Variants in HCN2 observed in about 807,000 individuals in gnomAD.
HCN2 encodes potassium/sodium hyperpolarization-activated cyclic nucleotide-gated channel 2.
In HCN2, 20 loss-of-function variants were observed where a neutral mutation model predicts 52.3. That is an observed-to-expected ratio of 0.38 (90% CI 0.27 to 0.56). The LOEUF (loss-of-function observed/expected upper bound fraction) is 0.56. Ranked by LOEUF, HCN2 falls within the 20% of genes least tolerant of loss-of-function variation. HCN2 has a pLI of 0.71. For missense variants in HCN2, 981 were observed against 1,207.7 expected (o/e 0.81, Z 2.78); for synonymous variants, 694 against 537.0 (o/e 1.29, Z -4.04).
In HCN2 at chr19:605,057, G is replaced by A; in HGVS notation, c.1057-4G>A. ...TAGGGTGGGCTCACGGCGCCTTCCT[G>A]CAGATCTTCCACATGACCTATGACC... On this transcript the variant is annotated splice_polypyrimidine_tract_variant and splice_region_variant and intron_variant, in intron 2 of 7. Transcript: ENST00000251287. 6.2e-7 allele frequency: 1 copy of A among 1,608,098 alleles called. No homozygotes were observed. Among genetic ancestry groups the A allele is most frequent in the Non-Finnish European group, 8.5e-7 (1 of 1,177,010 alleles).
chr19:590,526 A>G lies in HCN2; in HGVS notation c.581A>G (p.Glu194Gly). ...CAGAAGGCCGTGGAGCGCGAGCAGG[A>G]GCGCGTCAAGTCGGCGGGGGCCTGG... is the stretch of plus-strand genomic sequence containing the variant. ...GSQKAVEREQERVKSAGAWII... is the reference protein window; with the variant it reads ...GSQKAVEREQGRVKSAGAWII... The change falls in exon 1 of 8, where the codon GAG becomes GGG. Residue 194 changes from glutamate to glycine, a missense_variant. Coordinates refer to ENST00000251287, the MANE Select transcript of HCN2 (RefSeq NM_001194.4). The surrounding 1 kb of genome is among the most constrained non-coding windows in gnomAD (Gnocchi z 7.2). 1 of 1,512,844 alleles carries G rather than the reference A, an allele frequency of 6.6e-7. No homozygotes were observed. Among genetic ancestry groups the G allele is most frequent in the Non-Finnish European group, 8.9e-7 (1 of 1,124,104 alleles). The allele number at this position is 1,512,844 out of a possible 1,614,324, so 93.7% of individuals were successfully genotyped here.
At chr19:612,859 G>T (rs1474529248) in intron 5 of HCN2, among the ~76,000 whole-genome samples, 1 of 140,948 alleles carries the variant, frequency 7.1e-6, no homozygotes, top group Non-Finnish European at 1.5e-5. Flanking sequence ...TTTTTTTTCC[G>T]GTAGAGACGG....
At position 610,519 on chromosome 19, in the gene HCN2, A is replaced by G. The variant is rs1440483573; in HGVS notation, c.1584+114A>G. The stretch of plus-strand genomic sequence containing the variant: ...GGCGAGGTGCCTAGGCTGCAGCAGG[A>G]GGGACTCGAGCTAGACCTGCGTACA... On this transcript the variant is annotated intron_variant, in intron 5 of 7. Transcript: ENST00000251287. The G allele has an allele frequency of 1.3e-5, 12 of 918,836 alleles. No individual in the cohort carries two copies. The East Asian group carries it at 3.0e-4, about 23-fold the overall frequency. 56.9% of individuals were successfully genotyped at this position (918,836 alleles called of 1,614,324 possible).
chr19:613,632 T>TGGGGCCGGGGCCGGGGCC, intron 6 of HCN2, 144 bp downstream of exon 6: 1 of 30,200 alleles, frequency 3.3e-5, no homozygotes. Context: ...GGGATGGGGA[T>TGGGGCCGGGGCCGGGGCC]GGGGCCGGGG....
Position 607,948 on chromosome 19 carries a change from C to T in HCN2, c.1219-16C>T. The T allele has an allele frequency of 6.2e-7, 1 of 1,600,036 alleles. No individual in the cohort carries two copies. Among genetic ancestry groups the T allele is most frequent in the Non-Finnish European group, 8.5e-7 (1 of 1,171,456 alleles). ...TGAGCACCTGCCCACCACCGCCCCT[C>T]CTGCTGGCCTTGCAGAACCACTCGT... is the stretch of plus-strand genomic sequence containing the variant. On this transcript the variant is annotated splice_polypyrimidine_tract_variant and intron_variant, in intron 3 of 7. Coordinates refer to ENST00000251287, the MANE Select transcript of HCN2 (RefSeq NM_001194.4).
intron 3 of HCN2, among the ~76,000 whole-genome samples, chr19:606,519 C>G (rs965039955): frequency 6.6e-6 from 1 of 151,442 alleles, no homozygotes; most frequent in African/African-American, 2.4e-5. Flanking sequence ...AAATTTACAA[C>G]ATGGCCCTGA....
At chr19:610,201 CCT>C in intron 4 of HCN2, 56 bp from the exon 5 acceptor site, 1 of 1,578,238 alleles carries the variant, frequency 6.3e-7, no homozygotes. Flanking sequence ...AGCAGGTGCC[CCT>C]GTGCCCGCTG....
intron 7 of HCN2, among the ~76,000 whole-genome samples, chr19:614,590 G>A (rs1367203860): frequency 2.0e-5 from 3 of 152,178 alleles, no homozygotes; most frequent in African/African-American, 2.4e-5. Context: ...AGGCCCTGAG[G>A]TGGAAAAGAG....
rs963032454 is a variant in HCN2 at position 608,334 on chromosome 19, G to A, written c.1437+152G>A. Reference sequence around the variant, plus strand: ...AGGCTGGAGGGAGGCCTTGCCCTGGGGTCTGAGGGCGGAGGTAGTCCTTGT... The same window carrying A: ...AGGCTGGAGGGAGGCCTTGCCCTGGAGTCTGAGGGCGGAGGTAGTCCTTGT... On this transcript the variant is annotated intron_variant, in intron 4 of 7. Transcript: ENST00000251287. 8.2e-6 allele frequency: 6 copies of A among 733,384 alleles called. No individual in the cohort carries two copies. In the Admixed American group the frequency reaches 1.4e-4, roughly 17 times the overall value. 45.4% of individuals were successfully genotyped at this position (733,384 alleles called of 1,614,324 possible). A position where few individuals can be genotyped will look rare whatever the true frequency, so the allele number is the denominator to read the frequency against.
At chr19:597,563 T>G (rs1983067796) in intron 1 of HCN2, among the ~76,000 whole-genome samples, 1 of 150,556 alleles carries the variant, frequency 6.6e-6, no homozygotes. Flanking sequence ...TGGTGGTTTG[T>G]AGATCTCCTT....
Position 596,942 on chromosome 19 carries a change from G to A in HCN2, c.632+6365G>A, listed in dbSNP as rs569913884. Among the ~76,000 whole-genome samples, 10 of 152,296 alleles carry A rather than the reference G, an allele frequency of 6.6e-5. No individual in the cohort carries two copies. In the East Asian group the frequency reaches 1.4e-3, roughly 21 times the overall value. Reference sequence around the variant, plus strand: ...GGGGTGCACCGGCAGAGACAGTGACGCCCTGCAGGGCTCTGGGGTCCCCTC... The same window carrying A: ...GGGGTGCACCGGCAGAGACAGTGACACCCTGCAGGGCTCTGGGGTCCCCTC... On this transcript the variant is annotated intron_variant, in intron 1 of 7. Coordinates refer to ENST00000251287, the MANE Select transcript of HCN2 (RefSeq NM_001194.4).
Position 610,278 on chromosome 19 carries a change from A to G in HCN2, c.1457A>G (p.Tyr486Cys), listed in dbSNP as rs1331745152. The change falls in exon 5 of 8, where the codon TAC (tyrosine) becomes TGC (cysteine). Residue 486 changes from tyrosine (Y) to cysteine (C), a missense_variant. By Grantham distance (194) the Tyr-to-Cys change is radical. Transcript: ENST00000251287. ...YQEKYKQVEQYMSFHKLPADF... is the reference protein window; with the variant it reads ...YQEKYKQVEQCMSFHKLPADF... ...CCACAGTACAAGCAGGTGGAGCAGTACATGTCCTTCCACAAGCTGCCAGCT... is the reference window on the plus strand; with the variant it reads ...CCACAGTACAAGCAGGTGGAGCAGTGCATGTCCTTCCACAAGCTGCCAGCT... 1.2e-6 allele frequency: 2 copies of G among 1,613,198 alleles called. No homozygotes were observed. The highest frequency in any genetic ancestry group is 8.5e-7 in the Non-Finnish European group (1 of 1,179,748).
In HCN2 at chr19:590,007, GGCCGCCGCC is replaced by G. The variant is rs961585316; in HGVS notation, c.75_83del (p.Pro26_Pro28del). The G allele has an allele frequency of 7.4e-4, 471 of 640,614 alleles. 2 individuals carry two copies. Among genetic ancestry groups the G allele is most frequent in the Middle Eastern group, 1.7e-3 (2 of 1,190 alleles). The allele number at this position is 640,614 out of a possible 1,614,324, so 39.7% of individuals were successfully genotyped here. ...AGCCCGGGCGCGACCCCCGCGCCGG[GGCCGCCGCC>G]GCCGCCGCCGCCCGCGCCCCCCCAA... is the stretch of plus-strand genomic sequence containing the variant. On this transcript the variant is annotated inframe_deletion, in exon 1 of 8. Transcript: ENST00000251287. The surrounding 1 kb of genome is among the most constrained non-coding windows in gnomAD (Gnocchi z 7.2).
chr19:615,566 T>C (rs538776035), intron 7 of HCN2, among the ~76,000 whole-genome samples: 1 of 152,356 alleles, frequency 6.6e-6, no homozygotes, highest in South Asian at 2.1e-4. Context: ...GCTTCATGCA[T>C]GCTGGCTGTG....
rs1600545940 is a variant in HCN2 at position 616,853 on chromosome 19, A to G, written c.*379A>G. The G allele has an allele frequency of 2.1e-5, 3 of 146,312 alleles. No individual in the cohort carries two copies. Among genetic ancestry groups the G allele is most frequent in the Admixed American group, 1.5e-4 (2 of 13,756 alleles). 9.1% of individuals were successfully genotyped at this position (146,312 alleles called of 1,614,324 possible). On this transcript the variant is annotated 3_prime_UTR_variant, in exon 8 of 8. Transcript: ENST00000251287. Reference sequence around the variant, plus strand: ...TCTAGGTGGCCCCCGTCCGAGGAGGATCGTTTTCTAAGTGCAATACTTGGC... The same window carrying G: ...TCTAGGTGGCCCCCGTCCGAGGAGGGTCGTTTTCTAAGTGCAATACTTGGC...
chr19:612,393 G>GGTGTGTGTGTGTGTGT lies in HCN2; in HGVS notation c.1585-835_1585-820dup, dbSNP rs140326049. 3.1e-3 allele frequency among the ~76,000 whole-genome samples: 441 copies of GGTGTGTGTGTGTGTGT among 141,822 alleles called. 1 individual carries two copies. Among genetic ancestry groups the GGTGTGTGTGTGTGTGT allele is most frequent in the African/African-American group, 8.5e-3 (324 of 38,308 alleles). The allele number at this position is 141,822 out of a possible 152,430, so 93.0% of individuals were successfully genotyped here. A position where few individuals can be genotyped will look rare whatever the true frequency, so the allele number is the denominator to read the frequency against. ...GTCTGACCGAATGTAGCTTTCCACT[G>GGTGTGTGTGTGTGTGT]GTGTGTGTGTGTGTGTGTGTGTGTG... On this transcript the variant is annotated intron_variant, in intron 5 of 7. Coordinates refer to ENST00000251287, the MANE Select transcript of HCN2 (RefSeq NM_001194.4).
At chr19:594,831 G>A (rs984658010) in intron 1 of HCN2, among the ~76,000 whole-genome samples, 6 of 152,126 alleles carry the variant, frequency 3.9e-5, no homozygotes, top group East Asian at 3.9e-4. Flanking sequence ...TCTGGTCTGC[G>A]TGGAGGGGTC....
At chr19:603,497 T>A in intron 1 of HCN2, 47 bp from the exon 2 acceptor site, 1 of 1,473,266 alleles carries the variant, frequency 6.8e-7, no homozygotes, top group South Asian at 1.2e-5. Context: ...GTCCCGCAGG[T>A]GCCCCGGGGA....
intron 5 of HCN2, among the ~76,000 whole-genome samples, chr19:612,739 T>C (rs892331864): frequency 6.6e-6 from 1 of 151,536 alleles, no homozygotes; most frequent in Non-Finnish European, 1.5e-5. Context: ...TTTTCTTTTT[T>C]TTTTTTTTTG....
Sources: allele counts gnomAD v4.1 joint callset (sites outside exome capture counted in the v4.1 genomes callset), GRCh38; gene constraint gnomAD v4.1.1; non-coding constraint Gnocchi (gnomAD v3.1); transcripts MANE v1.5; gene names NCBI Gene and HGNC (gene_info 2026-07-23, HGNC 2026-07-21).